MAMLD1: variants seen among roughly 807,000 people sequenced by gnomAD.
The protein encoded by MAMLD1 is mastermind like domain containing 1.
MAMLD1 carries 14 observed loss-of-function variants against 45.0 expected under a neutral mutation model. The observed-to-expected ratio is 0.31, with a 90% CI of 0.21 to 0.49. The LOEUF (loss-of-function observed/expected upper bound fraction) is 0.49, where lower values mean the gene tolerates loss of function less well. Ranked by LOEUF, MAMLD1 falls within the 20% of genes least tolerant of loss-of-function variation. The pLI is 0.99. For missense variants in MAMLD1, 543 were observed against 603.6 expected, an observed-to-expected ratio of 0.90 and a Z score of 1.05; for synonymous variants, 254 against 247.8, an observed-to-expected ratio of 1.02 and a Z score of -0.24.
intron 1 of MAMLD1, among the ~76,000 whole-genome samples, chrX:150,386,219 ACT>A (rs1392649953): frequency 2.1e-4 from 23 of 111,598 alleles, no homozygotes; most frequent in African/African-American, 6.5e-4. Flanking sequence ...GCAGTAATTT[ACT>A]GTTTCAGGCT....
intron 1 of MAMLD1, among the ~76,000 whole-genome samples, chrX:150,368,247 C>T (rs1348434079): frequency 1.8e-5 from 2 of 110,843 alleles, no homozygotes; most frequent in Non-Finnish European, 3.8e-5. Flanking sequence ...TTAATGATCG[C>T]CATTCTAACT....
At chrX:150,505,066 A>G (rs1557408762) in intron 6 of MAMLD1, 2 of 752,737 alleles carry the variant, frequency 2.7e-6, no homozygotes, top group Non-Finnish European at 3.1e-6. Context: ...TGCAGCAGTC[A>G]TAGATCATGT....
chrX:150,422,385 TC>T (rs1557403594), intron 1 of MAMLD1, among the ~76,000 whole-genome samples: 1 of 111,955 alleles, frequency 8.9e-6, no homozygotes, highest in Admixed American at 9.5e-5. Flanking sequence ...TTCCTCAGTT[TC>T]CCTATCTGTA....
At chrX:150,380,798 C>T (rs781882906) in intron 1 of MAMLD1, among the ~76,000 whole-genome samples, 5 of 109,979 alleles carry the variant, frequency 4.5e-5, no homozygotes, top group East Asian at 2.8e-4. Flanking sequence ...TCACCCAGTC[C>T]GGAGTGCAGT....
intron 1 of MAMLD1, among the ~76,000 whole-genome samples, chrX:150,374,148 T>G (rs782705313): frequency 1.2e-4 from 13 of 112,806 alleles, no homozygotes; most frequent in Non-Finnish European, 2.4e-4. Flanking sequence ...AAGCTCTGGG[T>G]CTTCTCCTTA....
intron 3 of MAMLD1, among the ~76,000 whole-genome samples, 178 bp from the exon 4 acceptor site, chrX:150,469,566 CT>C (rs1161576435): frequency 1.8e-5 from 2 of 110,574 alleles, no homozygotes; most frequent in Non-Finnish European, 3.8e-5. Context: ...TGCACATTTC[CT>C]GTTCATTAGC....
At chrX:150,440,116 A>T (rs1352279274) in intron 1 of MAMLD1, among the ~76,000 whole-genome samples, 1 of 111,143 alleles carries the variant, frequency 9.0e-6, no homozygotes, top group Non-Finnish European at 1.9e-5. Flanking sequence ...TGATCACATG[A>T]TTTTTAGTCT....
At chrX:150,447,631 A>G (rs377721402) in intron 2 of MAMLD1, among the ~76,000 whole-genome samples, 1 of 111,754 alleles carries the variant, frequency 8.9e-6, no homozygotes, top group East Asian at 2.8e-4. Flanking sequence ...AAATAAAAGC[A>G]GAATGGCCTG....
intron 4 of MAMLD1, among the ~76,000 whole-genome samples, chrX:150,472,505 C>CT (rs1557406617): frequency 1.8e-5 from 2 of 112,194 alleles, no homozygotes; most frequent in Admixed American, 9.4e-5. Flanking sequence ...GAAGCAGTTC[C>CT]TTGCAGGTTG....
At chrX:150,421,790 A>T (rs781968548) in intron 1 of MAMLD1, among the ~76,000 whole-genome samples, 1 of 112,278 alleles carries the variant, frequency 8.9e-6, no homozygotes, top group East Asian at 2.8e-4. Flanking sequence ...AATTCCCCAG[A>T]TTGCTTTGCT....
At chrX:150,489,163 T>C (rs5925166) in intron 5 of MAMLD1, among the ~76,000 whole-genome samples, 46,600 of 110,697 alleles carry the variant, frequency 0.42, 7,358 homozygotes, top group South Asian at 0.62. Context: ...AGGGAGGGGT[T>C]GGGGCACTTC....
At chrX:150,503,956 C>A in intron 6 of MAMLD1, 1 of 541,693 alleles carries the variant, frequency 1.8e-6, no homozygotes, top group Non-Finnish European at 2.2e-6. Context: ...GCCTGCTTGG[C>A]ACCTAGTGGG....
intron 2 of MAMLD1, among the ~76,000 whole-genome samples, chrX:150,446,173 A>T (rs1318725034): frequency 1.8e-5 from 2 of 112,034 alleles, no homozygotes; most frequent in Admixed American, 1.9e-4. Context: ...GGATGATGAT[A>T]GAAGGGACTA....
At chrX:150,372,954 T>C (rs1407038864) in intron 1 of MAMLD1, among the ~76,000 whole-genome samples, 2 of 111,313 alleles carry the variant, frequency 1.8e-5, no homozygotes, top group Non-Finnish European at 3.8e-5. Context: ...CCCTGTGCAA[T>C]AGGGCAGCCA....
intron 6 of MAMLD1, among the ~76,000 whole-genome samples, chrX:150,505,649 G>A (rs1189264420): frequency 2.7e-5 from 3 of 112,027 alleles, no homozygotes; most frequent in East Asian, 2.8e-4. Context: ...AGATCTCGGC[G>A]TTAACAGTCC....
chrX:150,506,332 C>T (rs1349398590), intron 6 of MAMLD1, among the ~76,000 whole-genome samples: 2 of 106,019 alleles, frequency 1.9e-5, no homozygotes, highest in African/African-American at 6.9e-5. Context: ...TTCCTCTCCC[C>T]TCCCCTTCCT....
At chrX:150,372,777 A>G in intron 1 of MAMLD1, among the ~76,000 whole-genome samples, 1 of 112,362 alleles carries the variant, frequency 8.9e-6, no homozygotes, top group Admixed American at 9.4e-5. Context: ...GTGATCCCCC[A>G]GCCATGGGGT....
At chrX:150,429,648 T>A (rs1249812813) in intron 1 of MAMLD1, among the ~76,000 whole-genome samples, 2 of 111,767 alleles carry the variant, frequency 1.8e-5, no homozygotes, top group African/African-American at 6.5e-5. Context: ...TATAAATTTT[T>A]ATATATAAAT....
chrX:150,483,295 ATCAGAGTTC>A (rs1557407429), intron 5 of MAMLD1, among the ~76,000 whole-genome samples: 1 of 112,280 alleles, frequency 8.9e-6, no homozygotes, highest in African/African-American at 3.2e-5. Flanking sequence ...CCACTTCTTC[ATCAGAGTTC>A]TTTGTGACTT....
Sources: allele counts gnomAD v4.1 joint callset (sites outside exome capture counted in the v4.1 genomes callset), GRCh38; gene constraint gnomAD v4.1.1; transcripts MANE v1.5; gene names NCBI Gene and HGNC (gene_info 2026-07-23, HGNC 2026-07-21).